ROCK2: variants seen among roughly 807,000 people sequenced by gnomAD.
The protein encoded by ROCK2 is Rho associated coiled-coil containing protein kinase 2.
A neutral mutation model predicts 195.1 loss-of-function variants in ROCK2; 61 were observed. The ratio of observed to expected loss-of-function variants is 0.31; its 90% CI spans 0.25 to 0.39. ROCK2 has a LOEUF of 0.39. Ranked by LOEUF, ROCK2 falls within the 10% of genes least tolerant of loss-of-function variation. ROCK2 has a pLI of 1.00. For missense variants in ROCK2, 1,109 were observed against 1,637.4 expected, an observed-to-expected ratio of 0.68 and a Z score of 5.57; for synonymous variants, 504 against 545.5, an observed-to-expected ratio of 0.92 and a Z score of 1.06.
chr2:11,228,236 G>A (rs1664880928), intron 5 of ROCK2, among the ~76,000 whole-genome samples: 1 of 152,174 alleles, frequency 6.6e-6, no homozygotes, highest in Non-Finnish European at 1.5e-5. Context: ...CCAGTAAAGA[G>A]TGTGTTGCCC....
chr2:11,253,177 A>C (rs778236590), intron 3 of ROCK2, among the ~76,000 whole-genome samples: 5 of 152,112 alleles, frequency 3.3e-5, no homozygotes, highest in Non-Finnish European at 7.4e-5. Flanking sequence ...GCGATGGAAG[A>C]AAGAAGAAGA....
chr2:11,225,435 TTTTTTAA>T (rs1189414582), intron 6 of ROCK2, among the ~76,000 whole-genome samples: 4 of 152,128 alleles, frequency 2.6e-5, no homozygotes, highest in Non-Finnish European at 5.9e-5. Flanking sequence ...TTATTTTTTA[TTTTTTAA>T]TTTATTTTTT....
chr2:11,340,090 G>A (rs905439200), intron 1 of ROCK2, among the ~76,000 whole-genome samples: 3 of 152,136 alleles, frequency 2.0e-5, no homozygotes, highest in Admixed American at 6.5e-5. Flanking sequence ...ATGTAAGTCC[G>A]TATTTCCTTA....
chr2:11,327,163 C>T (rs576418621), intron 1 of ROCK2, among the ~76,000 whole-genome samples: 100 of 152,054 alleles, frequency 6.6e-4, no homozygotes, highest in African/African-American at 2.3e-3. Context: ...CAGATACATA[C>T]GATGAAAATT....
At position 11,192,823 on chromosome 2, in the gene ROCK2, A is replaced by G; in HGVS notation, c.3688-111T>C. Reference sequence around the variant, plus strand: ...AATTAGCCTAAATTATTCAAAGAGAAGAAAATGTATCTGAAGTACAAACTT... The same window carrying G: ...AATTAGCCTAAATTATTCAAAGAGAGGAAAATGTATCTGAAGTACAAACTT... On this transcript the variant is annotated intron_variant, in intron 30 of 32. Coordinates refer to ENST00000315872, the MANE Select transcript of ROCK2 (RefSeq NM_004850.5). This position sits in a 1 kb window ranked among gnomAD's most constrained non-coding sequence, Gnocchi z 5.0. 8.2e-7 allele frequency: 1 copy of G among 1,216,846 alleles called. No homozygotes were observed. 75.4% of individuals were successfully genotyped at this position (1,216,846 alleles called of 1,614,324 possible).
intron 1 of ROCK2, among the ~76,000 whole-genome samples, chr2:11,315,414 G>C (rs1350877954): frequency 1.3e-5 from 2 of 151,804 alleles, no homozygotes; most frequent in Admixed American, 1.3e-4. Context: ...AATAAACTAT[G>C]AGATGAATTC....
At chr2:11,262,296 TATAAC>T (rs1278742742) in intron 3 of ROCK2, among the ~76,000 whole-genome samples, 2 of 152,220 alleles carry the variant, frequency 1.3e-5, no homozygotes, top group African/African-American at 2.4e-5. Flanking sequence ...TAACAGGGGT[TATAAC>T]ATAACTGATA....
At chr2:11,265,629 A>C (rs1666386747) in intron 3 of ROCK2, among the ~76,000 whole-genome samples, 1 of 152,238 alleles carries the variant, frequency 6.6e-6, no homozygotes, top group South Asian at 2.1e-4. Context: ...GGGAGAAAGA[A>C]ACATGATAAA....
At chr2:11,208,160 G>A in intron 19 of ROCK2, 127 bp downstream of exon 19, 1 of 526,850 alleles carries the variant, frequency 1.9e-6, no homozygotes, top group African/African-American at 2.0e-5. Flanking sequence ...TCAAAATTTA[G>A]TTAAACCAAC....
intron 3 of ROCK2, among the ~76,000 whole-genome samples, chr2:11,268,521 ACTGT>A (rs770560218): frequency 5.4e-5 from 4 of 73,764 alleles, no homozygotes; most frequent in African/African-American, 2.0e-4. Context: ...ACAGTTTTGC[ACTGT>A]GTGTGTGTGT....
upstream of ROCK2, among the ~76,000 whole-genome samples, chr2:11,345,385 G>T (rs140884389): frequency 6.6e-6 from 1 of 152,212 alleles, no homozygotes; most frequent in Non-Finnish European, 1.5e-5. Context: ...CCGTTCCGCC[G>T]CATTCCTGCC....
intron 4 of ROCK2, 98 bp from the exon 5 acceptor site, chr2:11,236,060 G>A: frequency 8.9e-7 from 1 of 1,125,656 alleles, no homozygotes; most frequent in South Asian, 2.4e-5. Context: ...ATTGAAAAAG[G>A]CAAACTATTT....
chr2:11,317,598 A>T (rs1368698688), intron 1 of ROCK2, among the ~76,000 whole-genome samples: 1 of 15,772 alleles, frequency 6.3e-5, no homozygotes, highest in Non-Finnish European at 1.3e-4. Context: ...ATATATATAT[A>T]TATATATATA....
At chr2:11,333,050 G>T (rs569307232) in intron 1 of ROCK2, among the ~76,000 whole-genome samples, 1 of 152,122 alleles carries the variant, frequency 6.6e-6, no homozygotes, top group Non-Finnish European at 1.5e-5. Flanking sequence ...GGGAATTTAG[G>T]GGGGGTGATG....
intron 3 of ROCK2, among the ~76,000 whole-genome samples, chr2:11,263,982 A>G (rs79176424): frequency 6.4e-4 from 28 of 43,468 alleles, no homozygotes; most frequent in Non-Finnish European, 1.8e-3. Flanking sequence ...AAAAAGATGA[A>G]AAAAAAAAAA....
Position 11,222,132 on chromosome 2 carries a change from C to G in ROCK2, c.1050G>C (p.Gln350His). The change falls in exon 8 of 33, where the codon CAG becomes CAC. Residue 350 changes from glutamine (Q) to histidine (H), a missense_variant. Gln to His is a conservative substitution (Grantham distance 24). Around this residue, in one of 6 missense-constraint regions of ROCK2, gnomAD observed 253 missense variants for 455.5 expected, o/e 0.56. Transcript: ENST00000315872. ...ACTGATCATTCTTAAAGAAAGGATG[C>G]TGTCTGATTTCTTCCACCCCATTTC... is the stretch of plus-strand genomic sequence containing the variant. ...LGRNGVEEIRQHPFFKNDQWH... is the reference protein window; with the variant it reads ...LGRNGVEEIRHHPFFKNDQWH... 1 of 1,611,224 alleles carries G rather than the reference C, an allele frequency of 6.2e-7. No individual in the cohort carries two copies. The highest frequency in any genetic ancestry group is 2.2e-5 in the East Asian group (1 of 44,748).
At position 11,344,346 on chromosome 2, in the gene ROCK2, G is replaced by C. The variant is rs1201946000; in HGVS notation, c.-210C>G. 2.5e-6 allele frequency: 3 copies of C among 1,186,266 alleles called. No homozygotes were observed. The highest frequency in any genetic ancestry group is 3.1e-6 in the Non-Finnish European group (3 of 959,176). The allele number at this position is 1,186,266 out of a possible 1,614,324, so 73.5% of individuals were successfully genotyped here. A position where few individuals can be genotyped will look rare whatever the true frequency, so the allele number is the denominator to read the frequency against. ...GGCCCAGCCCGGCCCAGCCCGGCCC[G>C]GCCCTGCCGGGAGCGGCGGGGAACA... On this transcript the variant is annotated 5_prime_UTR_variant, in exon 1 of 33. Transcript: ENST00000315872. This position sits in a 1 kb window ranked among gnomAD's most constrained non-coding sequence, Gnocchi z 5.4.
chr2:11,226,912 GAAAAA>G (rs36080073), intron 6 of ROCK2, among the ~76,000 whole-genome samples: 10 of 100,790 alleles, frequency 9.9e-5, no homozygotes, highest in Admixed American at 2.2e-4. Context: ...CCCTGCCTCA[GAAAAA>G]AAAAAAAAAA....
At chr2:11,218,586 T>C (rs960508901) in intron 10 of ROCK2, 120 bp from the exon 11 acceptor site, 12 of 666,622 alleles carry the variant, frequency 1.8e-5, no homozygotes, top group Admixed American at 1.4e-4. Flanking sequence ...TTTCATAAGT[T>C]TGAAGAAAAA....
Sources: allele counts gnomAD v4.1 joint callset (sites outside exome capture counted in the v4.1 genomes callset), GRCh38; gene constraint gnomAD v4.1.1; regional missense constraint gnomAD v4.1.1; non-coding constraint Gnocchi (gnomAD v3.1); transcripts MANE v1.5; gene names NCBI Gene and HGNC (gene_info 2026-07-23, HGNC 2026-07-21).